The following SYNE3 variants were observed in gnomAD, a reference collection of about 807,000 sequenced individuals.
SYNE3 encodes nesprin-3.
Under a neutral mutation model 111.2 loss-of-function variants are expected in SYNE3, and 100 were observed. That is an observed-to-expected ratio of 0.90 (90% CI 0.77 to 1.06). The LOEUF (loss-of-function observed/expected upper bound fraction) is 1.06, where lower values mean the gene tolerates loss of function less well. SYNE3 is among the 50% of genes least tolerant of loss of function. The probability of loss-of-function intolerance (pLI) is 0.00; values close to 1 mark genes in which losing one functional copy is unlikely to be tolerated. For synonymous variants in SYNE3, 547 were observed against 533.9 expected, an observed-to-expected ratio of 1.02 and a Z score of -0.34; for missense variants, 1,160 against 1,240.3, an observed-to-expected ratio of 0.94 and a Z score of 0.97.
intron 15 of SYNE3, among the ~76,000 whole-genome samples, chr14:95,434,373 C>T (rs1472435526): frequency 1.3e-5 from 2 of 152,174 alleles, no homozygotes; most frequent in Non-Finnish European, 1.5e-5. Context: ...TTTTGGCAGC[C>T]TCACTGGGCT....
At position 95,449,736 on chromosome 14, in the gene SYNE3, G is replaced by A. The variant is rs187843253; in HGVS notation, c.1449+195C>T. ...AGCCCCGGGTTAACCCCCAGGAGCC[G>A]AGCTGACCTTTGTCAGTGTAACAAG... On this transcript the variant is annotated intron_variant, in intron 8 of 17. Coordinates refer to ENST00000682763, the MANE Select transcript of SYNE3 (RefSeq NM_152592.6). 1.5e-5 allele frequency: 15 copies of A among 968,744 alleles called. No homozygotes were observed. The Admixed American group carries it at 3.1e-4, about 20-fold the overall frequency. The allele number at this position is 968,744 out of a possible 1,614,324, so 60.0% of individuals were successfully genotyped here.
intron 1 of SYNE3, among the ~76,000 whole-genome samples, chr14:95,506,902 A>T (rs1890547591): frequency 6.6e-6 from 1 of 152,176 alleles, no homozygotes; most frequent in African/African-American, 2.4e-5. Flanking sequence ...ATTCCACCTG[A>T]GGTCCAGGAG....
At chr14:95,473,420 C>T (rs904490976) in intron 2 of SYNE3, among the ~76,000 whole-genome samples, 1 of 152,074 alleles carries the variant, frequency 6.6e-6, no homozygotes, top group Non-Finnish European at 1.5e-5. Context: ...GGCTGTGATG[C>T]TCACAGACAG....
rs969984563 is a variant in SYNE3 at position 95,439,599 on chromosome 14, G to A, written c.2246+13C>T. The A allele has an allele frequency of 2.5e-6, 4 of 1,605,714 alleles. No individual in the cohort carries two copies. The highest frequency in any genetic ancestry group is 2.5e-6 in the Non-Finnish European group (3 of 1,179,964). On this transcript the variant is annotated intron_variant, in intron 13 of 17. Transcript: ENST00000682763. ...GTCCCAGACAACGCTCAGAGCCTAG[G>A]AGGCACTCTCACCTCAGCAGACTTT...
At position 95,443,260 on chromosome 14, in the gene SYNE3, C is replaced by T; in HGVS notation, c.1806G>A (p.Gly602=). 1 of 1,614,212 alleles carries T rather than the reference C, an allele frequency of 6.2e-7. No individual in the cohort carries two copies. Among genetic ancestry groups the T allele is most frequent in the Non-Finnish European group, 8.5e-7 (1 of 1,180,034 alleles). The change falls in exon 11 of 18, where the codon GGG becomes GGA. Residue 602 remains glycine, a synonymous_variant. Transcript: ENST00000682763. ...GAGGCCTTGCAGCCTCCATCTGTGC[C>T]CCCAAGTCCAGCCCCTCTTCCTGCA... is the stretch of plus-strand genomic sequence containing the variant. The part of the protein sequence containing the change: ...QGLQEEGLDL[G]AQMEAARPLV...
chr14:95,455,330 G>A (rs998835857), intron 6 of SYNE3, 47 bp downstream of exon 6: 4 of 1,444,712 alleles, frequency 2.8e-6, no homozygotes, highest in Non-Finnish European at 9.2e-7. Context: ...CAGGACCCTG[G>A]GCACAGACAG....
chr14:95,446,221 G>T, intron 8 of SYNE3, 130 bp from the exon 9 acceptor site: 1 of 1,091,422 alleles, frequency 9.2e-7, no homozygotes, highest in Non-Finnish European at 1.3e-6. Context: ...TGAGGAAGCA[G>T]CAAACTCAAG....
intron 4 of SYNE3, 54 bp downstream of exon 4, chr14:95,465,877 G>C: frequency 6.6e-7 from 1 of 1,512,956 alleles, no homozygotes; most frequent in Non-Finnish European, 8.9e-7. Flanking sequence ...GGTAGATAAG[G>C]GTGGATACAT....
intron 2 of SYNE3, among the ~76,000 whole-genome samples, chr14:95,473,195 A>G (rs1176099297): frequency 6.6e-6 from 1 of 151,658 alleles, no homozygotes; most frequent in African/African-American, 2.4e-5. Flanking sequence ...TCAGGCCATG[A>G]CTCCCCTCTG....
Position 95,415,276 on chromosome 14 carries a change from G to GCCCCCGGGGGGGGGGGGGCC in SYNE3, c.*2549_*2550insGGCCCCCCCCCCCCCGGGGG. The GCCCCCGGGGGGGGGGGGGCC allele has an allele frequency of 7.2e-6, 1 of 139,694 alleles. No homozygotes were observed. Among genetic ancestry groups the GCCCCCGGGGGGGGGGGGGCC allele is most frequent in the Non-Finnish European group, 1.5e-5 (1 of 64,600 alleles). 8.7% of individuals were successfully genotyped at this position (139,694 alleles called of 1,614,324 possible). A position where few individuals can be genotyped will look rare whatever the true frequency, so the allele number is the denominator to read the frequency against. On this transcript the variant is annotated 3_prime_UTR_variant, in exon 18 of 18. Coordinates refer to ENST00000682763, the MANE Select transcript of SYNE3 (RefSeq NM_152592.6). ...CATAGGAAAGTGGACACCTGGCAAG[G>GCCCCCGGGGGGGGGGGGGCC]CCCCCCCACCCACCCACCCTGCCAC...
intron 7 of SYNE3, chr14:95,451,146 T>A (rs1291747812): frequency 6.6e-6 from 1 of 152,122 alleles, no homozygotes; most frequent in Admixed American, 6.5e-5. Context: ...CACATGAAGC[T>A]GGGATCGCAA....
chr14:95,508,735 G>A (rs1026419409), intron 1 of SYNE3, among the ~76,000 whole-genome samples: 5 of 152,204 alleles, frequency 3.3e-5, no homozygotes, highest in Admixed American at 2.0e-4. Context: ...TCCCAGGGAC[G>A]CCAAGAGATA....
Position 95,416,631 on chromosome 14 carries a change from T to C in SYNE3, c.*1195A>G, listed in dbSNP as rs1903590216. 6.6e-6 allele frequency: 1 copy of C among 152,230 alleles called. No homozygotes were observed. The highest frequency in any genetic ancestry group is 2.1e-4 in the South Asian group (1 of 4,826). The allele number at this position is 152,230 out of a possible 1,614,324, so 9.4% of individuals were successfully genotyped here. ...TACACCTGGCTGGAGAGGGCCTGGTTTTGGGTGGCCTGGGCCCTAGTCCCA... is the reference window on the plus strand; with the variant it reads ...TACACCTGGCTGGAGAGGGCCTGGTCTTGGGTGGCCTGGGCCCTAGTCCCA... On this transcript the variant is annotated 3_prime_UTR_variant, in exon 18 of 18. Coordinates refer to ENST00000682763, the MANE Select transcript of SYNE3 (RefSeq NM_152592.6).
chr14:95,493,867 C>T (rs187039949), intron 1 of SYNE3, among the ~76,000 whole-genome samples: 1 of 152,350 alleles, frequency 6.6e-6, no homozygotes, highest in African/African-American at 2.4e-5. Context: ...CAATCCAATT[C>T]AATAGCATTT....
chr14:95,456,123 G>A, intron 5 of SYNE3: 1 of 305,332 alleles, frequency 3.3e-6, no homozygotes, highest in Non-Finnish European at 5.9e-6. Context: ...ATTTGGAATT[G>A]GCACCATCTT....
In SYNE3 at chr14:95,467,822, G is replaced by A; in HGVS notation, c.290C>T (p.Thr97Ile). The A allele has an allele frequency of 1.9e-6, 3 of 1,614,222 alleles. No individual in the cohort carries two copies. Among genetic ancestry groups the A allele is most frequent in the East Asian group, 4.5e-5 (2 of 44,880 alleles). Residue 97 changes from threonine (T) to isoleucine (I), a missense_variant, in exon 3 of 18, where the codon ACA becomes ATA. By Grantham distance (89) the Thr-to-Ile change is moderately conservative. Transcript: ENST00000682763. ...LKDIKAQWEETVTYMTHCHSR... is the reference protein window; with the variant it reads ...LKDIKAQWEEIVTYMTHCHSR... ...GTGACAGTGAGTCATGTAGGTGACTGTCTCCTCCCATTGGGCCTTGATGTC... is the reference window on the plus strand; with the variant it reads ...GTGACAGTGAGTCATGTAGGTGACTATCTCCTCCCATTGGGCCTTGATGTC...
At chr14:95,438,782 T>C (rs1333378321) in intron 14 of SYNE3, 4 of 410,556 alleles carry the variant, frequency 9.7e-6, no homozygotes, top group African/African-American at 3.9e-5. Flanking sequence ...AGTATCTGAC[T>C]GGCTAAGGGA....
intron 4 of SYNE3, among the ~76,000 whole-genome samples, chr14:95,464,597 C>A (rs1408665343): frequency 6.6e-6 from 1 of 152,194 alleles, no homozygotes; most frequent in East Asian, 1.9e-4. Flanking sequence ...TTGGGGTTCA[C>A]GTTTAGAATA....
At chr14:95,487,747 T>C (rs1889620427) in intron 1 of SYNE3, among the ~76,000 whole-genome samples, 2 of 152,116 alleles carry the variant, frequency 1.3e-5, no homozygotes, top group Admixed American at 1.3e-4. Context: ...CTGCTGACTG[T>C]CGTTGTAGAT....
Sources: allele counts gnomAD v4.1 joint callset (sites outside exome capture counted in the v4.1 genomes callset), GRCh38; gene constraint gnomAD v4.1.1; transcripts MANE v1.5; gene names NCBI Gene and HGNC (gene_info 2026-07-23, HGNC 2026-07-21).